Variants in SUGCT observed in about 807,000 individuals in gnomAD.
SUGCT encodes the protein succinyl-CoA:glutarate CoA-transferase.
In SUGCT, 41 loss-of-function variants were observed where a neutral mutation model predicts 55.0. That is an observed-to-expected ratio of 0.74 (90% CI 0.58 to 0.97). The LOEUF is 0.97. SUGCT is among the 50% of genes least tolerant of loss of function. The probability of loss-of-function intolerance (pLI) is 0.00; values close to 1 mark genes in which losing one functional copy is unlikely to be tolerated. For missense variants in SUGCT, 568 were observed against 547.8 expected (o/e 1.04, Z -0.37); for synonymous variants, 187 against 200.4 (o/e 0.93, Z 0.56).
chr7:40,290,923 C>A (rs1462830772), intron 8 of SUGCT, among the ~76,000 whole-genome samples: 1 of 152,192 alleles, frequency 6.6e-6, no homozygotes, highest in African/African-American at 2.4e-5. Flanking sequence ...CATTACTGGC[C>A]ATCAGAGAAA....
At chr7:40,933,885 C>T in the SUGCT span, among the ~76,000 whole-genome samples, 3 of 152,136 alleles carry the variant, frequency 2.0e-5, no homozygotes, top group Non-Finnish European at 2.9e-5. Context: ...AGAACATGCT[C>T]CTTTAGCTCG....
chr7:40,445,090 G>T (rs1042245754), intron 9 of SUGCT, among the ~76,000 whole-genome samples: 2 of 151,992 alleles, frequency 1.3e-5, no homozygotes, highest in African/African-American at 4.8e-5. Flanking sequence ...GATCATGGTG[G>T]ATAAGCTTTT....
chr7:40,280,523 T>A (rs1562641844), intron 8 of SUGCT, among the ~76,000 whole-genome samples: 1 of 152,192 alleles, frequency 6.6e-6, no homozygotes, highest in African/African-American at 2.4e-5. Context: ...TTTAGCACCA[T>A]AATTATTTGC....
At chr7:40,436,373 A>G (rs994790176) in intron 9 of SUGCT, among the ~76,000 whole-genome samples, 9 of 152,316 alleles carry the variant, frequency 5.9e-5, no homozygotes, top group African/African-American at 1.4e-4. Flanking sequence ...GCCTCCCCCA[A>G]TCTCTGTCTC....
intron 9 of SUGCT, among the ~76,000 whole-genome samples, chr7:40,416,601 T>C (rs1226598815): frequency 6.6e-6 from 1 of 151,962 alleles, no homozygotes; most frequent in African/African-American, 2.4e-5. Context: ...CATCTTTGGC[T>C]TTCTGAAATA....
At chr7:40,355,011 G>A (rs1341924926) in intron 9 of SUGCT, among the ~76,000 whole-genome samples, 2 of 152,016 alleles carry the variant, frequency 1.3e-5, no homozygotes, top group Non-Finnish European at 2.9e-5. Context: ...TTGGGAAATC[G>A]TACCTCAGTC....
At chr7:40,198,658 C>T (rs866067562) in intron 6 of SUGCT, among the ~76,000 whole-genome samples, 3 of 142,528 alleles carry the variant, frequency 2.1e-5, no homozygotes, top group African/African-American at 9.2e-5. Flanking sequence ...GTCAGGAGTT[C>T]GAGACCAGCC....
At chr7:40,820,879 A>T (rs1181355564) in intron 13 of SUGCT, among the ~76,000 whole-genome samples, 1 of 152,200 alleles carries the variant, frequency 6.6e-6, no homozygotes, top group Non-Finnish European at 1.5e-5. Flanking sequence ...TCGCCCATTC[A>T]GTATGACATT....
intron 9 of SUGCT, among the ~76,000 whole-genome samples, chr7:40,346,525 A>G (rs1190965208): frequency 6.6e-6 from 1 of 152,188 alleles, no homozygotes; most frequent in African/African-American, 2.4e-5. Flanking sequence ...TAAGAAAGTT[A>G]TATAACTTTT....
chr7:40,414,729 A>C (rs960288210), intron 9 of SUGCT, among the ~76,000 whole-genome samples: 1 of 152,058 alleles, frequency 6.6e-6, no homozygotes, highest in African/African-American at 2.4e-5. Flanking sequence ...CAACATGTTG[A>C]AACCTCATCT....
At chr7:40,457,735 A>G (rs1026018112) in intron 10 of SUGCT, among the ~76,000 whole-genome samples, 2 of 152,242 alleles carry the variant, frequency 1.3e-5, no homozygotes, top group African/African-American at 4.8e-5. Flanking sequence ...TACAGAGGAC[A>G]CATGGGCATT....
At chr7:40,302,916 A>G (rs1160889713) in intron 8 of SUGCT, among the ~76,000 whole-genome samples, 3 of 152,158 alleles carry the variant, frequency 2.0e-5, no homozygotes, top group African/African-American at 7.2e-5. Flanking sequence ...CTGGATGGCA[A>G]CCACTCATAG....
At chr7:40,189,273 C>T (rs1785738705) in intron 4 of SUGCT, among the ~76,000 whole-genome samples, 2 of 151,794 alleles carry the variant, frequency 1.3e-5, no homozygotes, top group South Asian at 2.1e-4. Flanking sequence ...ACCCGGGAGG[C>T]AGAGGTTGCA....
At chr7:40,246,751 C>A (rs1480383455) in intron 7 of SUGCT, among the ~76,000 whole-genome samples, 1 of 151,984 alleles carries the variant, frequency 6.6e-6, no homozygotes, top group Non-Finnish European at 1.5e-5. Flanking sequence ...CACACGCCAC[C>A]ATGCCTGGCT....
chr7:40,836,151 AGC>A (rs1430324737), intron 13 of SUGCT, among the ~76,000 whole-genome samples: 1 of 151,912 alleles, frequency 6.6e-6, no homozygotes, highest in Non-Finnish European at 1.5e-5. Flanking sequence ...CTCTCAACTC[AGC>A]CTCCTAAAAC....
Position 40,271,102 on chromosome 7 carries a change from A to C in SUGCT, c.577-3411A>C, listed in dbSNP as rs138972292. Reference sequence around the variant, plus strand: ...CTAAGAGTTTTTTAGTGGATTCCTTAGGACTTTTGATATATAAGACTGGGT... The same window carrying C: ...CTAAGAGTTTTTTAGTGGATTCCTTCGGACTTTTGATATATAAGACTGGGT... On this transcript the variant is annotated intron_variant, in intron 7 of 13. Transcript: ENST00000335693. Among the ~76,000 whole-genome samples, 938 of 152,132 alleles carry C rather than the reference A, an allele frequency of 6.2e-3. 31 individuals carry two copies. The highest frequency in any genetic ancestry group is 0.056 in the Admixed American group (854 of 15,256).
chr7:40,234,807 G>A (rs570144544), intron 6 of SUGCT, among the ~76,000 whole-genome samples: 1 of 152,196 alleles, frequency 6.6e-6, no homozygotes, highest in Admixed American at 6.5e-5. Flanking sequence ...TACTGGGGAG[G>A]CTGAGGGGGG....
At chr7:40,296,082 A>C (rs1449611844) in intron 8 of SUGCT, among the ~76,000 whole-genome samples, 1 of 152,160 alleles carries the variant, frequency 6.6e-6, no homozygotes, top group Non-Finnish European at 1.5e-5. Flanking sequence ...GGCGACTGAG[A>C]TGCTGTTAAT....
the SUGCT span, among the ~76,000 whole-genome samples, chr7:40,869,451 C>A: frequency 6.6e-6 from 1 of 152,172 alleles, no homozygotes; most frequent in Non-Finnish European, 1.5e-5. Context: ...ATTCTGCCAA[C>A]AACCTGAATC....
Sources: gnomAD v4.1 joint callset for allele counts (sites outside exome capture counted in the v4.1 genomes callset) on GRCh38, gnomAD v4.1.1 for gene constraint, MANE v1.5 for transcripts, NCBI Gene and HGNC (gene_info 2026-07-23, HGNC 2026-07-21) for gene names.